The following IGSF10 variants were observed in gnomAD, a reference collection of about 807,000 sequenced individuals.
The protein encoded by IGSF10 is immunoglobulin superfamily member 10.
IGSF10 carries 126 observed loss-of-function variants against 128.2 expected under a neutral mutation model. The ratio of observed to expected loss-of-function variants is 0.98; its 90% CI spans 0.85 to 1.14. The LOEUF is 1.14. IGSF10 is among the 50% of genes most tolerant of loss of function. The pLI is 0.00. For missense variants in IGSF10, 3,295 were observed against 3,149.8 expected (o/e 1.05, Z -1.10); for synonymous variants, 1,185 against 1,146.2 (o/e 1.03, Z -0.68).
At chr3:151,615,981 T>TTTTTG in the IGSF10 span, among the ~76,000 whole-genome samples, 1 of 145,586 alleles carries the variant, frequency 6.9e-6, no homozygotes, top group African/African-American at 2.6e-5. Context: ...TTTTTTTTTT[T>TTTTTG]GAGATTAAGT....
the IGSF10 span, among the ~76,000 whole-genome samples, chr3:151,589,388 T>A: frequency 2.6e-5 from 4 of 152,240 alleles, no homozygotes; most frequent in Admixed American, 6.5e-5. Context: ...CATCTGAAGA[T>A]GTACTTGACA....
At chr3:151,471,034 C>G in the IGSF10 span, among the ~76,000 whole-genome samples, 3 of 152,066 alleles carry the variant, frequency 2.0e-5, no homozygotes, top group Non-Finnish European at 4.4e-5. Context: ...GTGTCCCCAC[C>G]GAAATCGCAC....
intron 6 of IGSF10, 68 bp downstream of exon 6, chr3:151,444,851 C>T: frequency 1.4e-6 from 2 of 1,419,578 alleles, no homozygotes; most frequent in Non-Finnish European, 1.9e-6. Context: ...GATGTTTAAT[C>T]CCAAAACATA....
At chr3:151,581,619 A>G in the IGSF10 span, among the ~76,000 whole-genome samples, 1 of 152,208 alleles carries the variant, frequency 6.6e-6, no homozygotes, top group East Asian at 1.9e-4. Context: ...CACTGCTAGA[A>G]GAGATTCTTT....
At chr3:151,497,803 C>T in the IGSF10 span, among the ~76,000 whole-genome samples, 1 of 152,220 alleles carries the variant, frequency 6.6e-6, no homozygotes, top group Middle Eastern at 3.4e-3. Context: ...CTCTTCCTAT[C>T]CATGAGCATG....
chr3:151,609,427 G>T, the IGSF10 span, among the ~76,000 whole-genome samples: 1 of 152,070 alleles, frequency 6.6e-6, no homozygotes, highest in African/African-American at 2.4e-5. Context: ...AAGCCGGATG[G>T]TTCCCTTTGT....
At chr3:151,564,003 T>G in the IGSF10 span, among the ~76,000 whole-genome samples, 1 of 152,158 alleles carries the variant, frequency 6.6e-6, no homozygotes, top group African/African-American at 2.4e-5. Context: ...AACTAAGATC[T>G]AAATTCAGGC....
the IGSF10 span, among the ~76,000 whole-genome samples, chr3:151,476,707 T>TC: frequency 6.6e-6 from 1 of 152,242 alleles, no homozygotes; most frequent in East Asian, 1.9e-4. Flanking sequence ...TCATCTTGTT[T>TC]CCCCCTCCAG....
chr3:151,617,191 T>G, the IGSF10 span, among the ~76,000 whole-genome samples: 1 of 122,568 alleles, frequency 8.2e-6, no homozygotes, highest in African/African-American at 3.6e-5. Context: ...TGCCTCCTCC[T>G]CCTTCTTTCC....
Position 151,447,909 on chromosome 3 carries a change from T to C in IGSF10, c.2072A>G (p.Lys691Arg). 1 of 1,614,130 alleles carries C rather than the reference T, an allele frequency of 6.2e-7. No homozygotes were observed. ...LDESNPIAHL[K>R]EPPGAQLRTS... ...ACGGAGTTGTGCACCTGGTGGCTCC[T>C]TAAGATGAGCAATAGGATTGGACTC... is the stretch of plus-strand genomic sequence containing the variant. The change falls in exon 6 of 8, where the codon AAG becomes AGG. Residue 691 changes from lysine to arginine, a missense_variant. Coordinates refer to ENST00000282466, the MANE Select transcript of IGSF10 (RefSeq NM_178822.5).
the IGSF10 span, among the ~76,000 whole-genome samples, chr3:151,613,708 C>A: frequency 6.6e-6 from 1 of 152,076 alleles, no homozygotes; most frequent in African/African-American, 2.4e-5. Flanking sequence ...GTTAGACCTA[C>A]AACCATAAAA....
At chr3:151,435,016 T>C (rs1400097766), downstream of IGSF10, 3 of 152,118 alleles carry the variant, frequency 2.0e-5, no homozygotes, top group East Asian at 3.8e-4. Context: ...AGAATTACTT[T>C]AGTCTTCAGA....
chr3:151,598,070 GGTGTGTGTGT>G, the IGSF10 span, among the ~76,000 whole-genome samples: 290 of 137,774 alleles, frequency 2.1e-3, 1 homozygote, highest in African/African-American at 7.1e-3. Context: ...AATGAGTACT[GGTGTGTGTGT>G]GTGTGTGTGT....
rs1411666818 is a variant in IGSF10 at position 151,446,293 on chromosome 3, T to C, written c.3688A>G (p.Ser1230Gly). 1.2e-6 allele frequency: 2 copies of C among 1,614,066 alleles called. No homozygotes were observed. The highest frequency in any genetic ancestry group is 1.1e-5 in the South Asian group (1 of 91,084). ...RNQHKVSLQK[S>G]TAVMLPKTSP... ...GTTTTAGGAAGCATCACAGCTGTGC[T>C]TTTTTGTAAACTAACTTTATGTTGA... Residue 1230 changes from serine (S) to glycine (G), a missense_variant, in exon 6 of 8, where the codon AGC (serine) becomes GGC (glycine). By Grantham distance (56) the Ser-to-Gly change is moderately conservative. Coordinates refer to ENST00000282466, the MANE Select transcript of IGSF10 (RefSeq NM_178822.5).
the IGSF10 span, among the ~76,000 whole-genome samples, chr3:151,574,206 C>A: frequency 6.6e-6 from 1 of 152,124 alleles, no homozygotes; most frequent in Non-Finnish European, 1.5e-5. Context: ...TGGGGTTGCT[C>A]TTCTCGAGGA....
At chr3:151,553,380 ATTTT>A in the IGSF10 span, among the ~76,000 whole-genome samples, 1 of 152,164 alleles carries the variant, frequency 6.6e-6, no homozygotes. Context: ...ATTTTTATTT[ATTTT>A]AAGTTGGAAA....
the IGSF10 span, among the ~76,000 whole-genome samples, chr3:151,588,612 G>T: frequency 7.9e-5 from 12 of 152,252 alleles, no homozygotes; most frequent in African/African-American, 2.9e-4. Context: ...TACAATTTAT[G>T]ACAACTAGGA....
chr3:151,592,195 A>G, the IGSF10 span, among the ~76,000 whole-genome samples: 19 of 151,342 alleles, frequency 1.3e-4, no homozygotes, highest in Non-Finnish European at 2.1e-4. Context: ...AGGGGGTTAG[A>G]GAAGTGTTTA....
Position 151,449,181 on chromosome 3 carries a change from T to C in IGSF10, c.800A>G (p.Lys267Arg), listed in dbSNP as rs766914138. 2.5e-6 allele frequency: 4 copies of C among 1,614,202 alleles called. No homozygotes were observed. The highest frequency in any genetic ancestry group is 3.4e-6 in the Non-Finnish European group (4 of 1,180,032). The change falls in exon 6 of 8, where the codon AAG (lysine) becomes AGG (arginine). Residue 267 changes from lysine to arginine, a missense_variant. By Grantham distance (26) the Lys-to-Arg change is conservative. Transcript: ENST00000282466. ...TGCAGCTGAGACCATAGCTAACGGC[T>C]TGCCTTTAGAAGTCCTAGGGTTCAT... ...LCMNPRTSKG[K>R]PLAMVSAAAF... is the part of the protein sequence containing the mutation.
Sources: gnomAD v4.1 joint callset for allele counts (sites outside exome capture counted in the v4.1 genomes callset) on GRCh38, gnomAD v4.1.1 for gene constraint, MANE v1.5 for transcripts, NCBI Gene and HGNC (gene_info 2026-07-23, HGNC 2026-07-21) for gene names.